The following SAMD14 variants were observed in gnomAD, a reference collection of about 807,000 sequenced individuals.
SAMD14 encodes sterile alpha motif domain-containing protein 14.
Under a neutral mutation model 46.2 loss-of-function variants are expected in SAMD14, and 27 were observed. That is an observed-to-expected ratio of 0.58 (90% CI 0.43 to 0.81). SAMD14 has a LOEUF of 0.81. Among genes scored for constraint, SAMD14 ranks in the 30% least tolerant of loss-of-function variants. The pLI is 0.00. For missense variants in SAMD14, 559 were observed against 582.2 expected, an observed-to-expected ratio of 0.96 and a Z score of 0.41; for synonymous variants, 241 against 254.3, an observed-to-expected ratio of 0.95 and a Z score of 0.50.
intron 1 of SAMD14, among the ~76,000 whole-genome samples, chr17:50,127,134 A>G (rs1248203132): frequency 6.6e-6 from 1 of 151,706 alleles, no homozygotes; most frequent in East Asian, 1.9e-4. Context: ...AAGTAAATAA[A>G]TAAATAAAAG....
chr17:50,122,445 C>T (rs1363733029), intron 2 of SAMD14, among the ~76,000 whole-genome samples: 1 of 152,218 alleles, frequency 6.6e-6, no homozygotes, highest in Non-Finnish European at 1.5e-5. Flanking sequence ...CCCATGCCCA[C>T]ATCCCATCAC....
At position 50,110,573 on chromosome 17, in the gene SAMD14, G is replaced by A. The variant is rs1910775998; in HGVS notation, c.*2320C>T. 6.5e-6 allele frequency: 1 copy of A among 152,700 alleles called. No individual in the cohort carries two copies. Among genetic ancestry groups the A allele is most frequent in the African/African-American group, 2.4e-5 (1 of 41,444 alleles). 9.5% of individuals were successfully genotyped at this position (152,700 alleles called of 1,614,324 possible). On this transcript the variant is annotated 3_prime_UTR_variant, in exon 10 of 10. Coordinates refer to ENST00000330175, the MANE Select transcript of SAMD14 (RefSeq NM_001257359.2). ...TGCCCTCCAGACCTGGGGACTGAGTGGGGAAAGGAGTTACACCCGTGAGTG... is the reference window on the plus strand; with the variant it reads ...TGCCCTCCAGACCTGGGGACTGAGTAGGGAAAGGAGTTACACCCGTGAGTG...
chr17:50,112,817 CAGCCTCCCTGGTGAGGCCTGTGCCCGCGG>C lies in SAMD14; in HGVS notation c.*47_*75del. The C allele has an allele frequency of 1.3e-6, 2 of 1,505,926 alleles. No individual in the cohort carries two copies. Among genetic ancestry groups the C allele is most frequent in the Non-Finnish European group, 1.8e-6 (2 of 1,121,946 alleles). 93.3% of individuals were successfully genotyped at this position (1,505,926 alleles called of 1,614,324 possible). The stretch of plus-strand genomic sequence containing the variant: ...CTAGCCCAAGTGCAGCGCCCAGGTC[CAGCCTCCCTGGTGAGGCCTGTGCCCGCGG>C]AGCCAGTGGCTGCCCCTGCCGGGTG... On this transcript the variant is annotated 3_prime_UTR_variant, in exon 10 of 10. Transcript: ENST00000330175.
chr17:50,117,575 C>T lies in SAMD14; in HGVS notation c.331G>A (p.Glu111Lys), dbSNP rs541345234. ...DPPGLRRSLD[E>K]DEPPPSPLTR... ...AGCGGCGAGGGCGGCGGCTCGTCCT[C>T]GTCCAGGCTGCGCCGCAACCCCGGA... The change falls in exon 4 of 10, where the codon GAG (glutamate) becomes AAG (lysine). Residue 111 changes from glutamate (E) to lysine (K), a missense_variant. By Grantham distance (56) the Glu-to-Lys change is moderately conservative. Transcript: ENST00000330175. 6 of 1,552,612 alleles carry T rather than the reference C, an allele frequency of 3.9e-6. No individual in the cohort carries two copies. The South Asian group carries it at 5.9e-5, about 15-fold the overall frequency.
chr17:50,124,242 G>A (rs747333439), intron 2 of SAMD14: 1 of 453,326 alleles, frequency 2.2e-6, no homozygotes, highest in African/African-American at 2.0e-5. Flanking sequence ...AGATTGCAGG[G>A]GGTAAATGAT....
At chr17:50,124,815 G>C (rs1911693121) in intron 2 of SAMD14, 102 bp downstream of exon 2, 8 of 925,924 alleles carry the variant, frequency 8.6e-6, no homozygotes. Flanking sequence ...ACACTCTGAA[G>C]CTGCCAAGAA....
intron 4 of SAMD14, among the ~76,000 whole-genome samples, chr17:50,117,027 A>T (rs1220210886): frequency 6.7e-6 from 1 of 148,758 alleles, no homozygotes; most frequent in Non-Finnish European, 1.5e-5. Context: ...TAATTTTTTA[A>T]TTTTTTCTGG....
chr17:50,118,162 T>G lies in SAMD14; in HGVS notation c.209A>C (p.Lys70Thr). 1 of 1,588,404 alleles carries G rather than the reference T, an allele frequency of 6.3e-7. No homozygotes were observed. The highest frequency in any genetic ancestry group is 2.3e-5 in the East Asian group (1 of 44,300). Residue 70 changes from lysine (K) to threonine (T), a missense_variant and splice_region_variant, in exon 3 of 10, where the codon AAG (lysine) becomes ACG (threonine). Physicochemically the swap from Lys to Thr is moderately conservative, Grantham distance 78 (BLOSUM62 -1). Transcript: ENST00000330175. Reference protein sequence around the residue: ...DGEGSDGPGGKVTDGCGSPLH... With the variant: ...DGEGSDGPGGTVTDGCGSPLH... Reference sequence around the variant, plus strand: ...TGTGTTTTCCTAACTTGCCCCAACCTTGCCTCCGGGCCCATCCGAGCCTTC... The same window carrying G: ...TGTGTTTTCCTAACTTGCCCCAACCGTGCCTCCGGGCCCATCCGAGCCTTC...
At chr17:50,114,105 G>T in intron 8 of SAMD14, 26 bp from the exon 9 acceptor site, 1 of 1,613,766 alleles carries the variant, frequency 6.2e-7, no homozygotes, top group Non-Finnish European at 8.5e-7. Context: ...GGAGAGTGAG[G>T]GGGAGGCTTG....
At chr17:50,123,410 A>C (rs1911595069) in intron 2 of SAMD14, 1 of 152,284 alleles carries the variant, frequency 6.6e-6, no homozygotes. Context: ...CTCCCAGGCC[A>C]GGGATCTGGC....
Position 50,115,793 on chromosome 17 carries a change from C to A in SAMD14, c.662+37G>T, listed in dbSNP as rs760816810. The A allele has an allele frequency of 5.6e-6, 9 of 1,612,668 alleles. No individual in the cohort carries two copies. Among genetic ancestry groups the A allele is most frequent in the African/African-American group, 1.3e-5 (1 of 75,034 alleles). On this transcript the variant is annotated intron_variant, in intron 6 of 9. Transcript: ENST00000330175. The surrounding 1 kb of genome is among the most constrained non-coding windows in gnomAD (Gnocchi z 5.3). ...ACCAGAGCACATGGGGAGCCAGGGGCGGGAGCTGTGGGTGGGCCGCCATGG... is the reference window on the plus strand; with the variant it reads ...ACCAGAGCACATGGGGAGCCAGGGGAGGGAGCTGTGGGTGGGCCGCCATGG...
At position 50,110,319 on chromosome 17, in the gene SAMD14, T is replaced by G; in HGVS notation, c.*2574A>C. The G allele has an allele frequency of 2.3e-6, 1 of 439,678 alleles. No individual in the cohort carries two copies. The highest frequency in any genetic ancestry group is 3.5e-5 in the East Asian group (1 of 28,302). The allele number at this position is 439,678 out of a possible 1,614,324, so 27.2% of individuals were successfully genotyped here. ...GTGGCCTCCCTATCTCTGTGGGCGA[T>G]GCCTGAGGGTTAGGGATGTCTCCAC... On this transcript the variant is annotated 3_prime_UTR_variant, in exon 10 of 10. Transcript: ENST00000330175.
chr17:50,124,090 C>T, intron 2 of SAMD14: 1 of 456,184 alleles, frequency 2.2e-6, no homozygotes, highest in Middle Eastern at 3.3e-4. Flanking sequence ...TCACCCTCTC[C>T]CTCATTCCTC....
chr17:50,124,286 A>G, intron 2 of SAMD14: 1 of 416,852 alleles, frequency 2.4e-6, no homozygotes, highest in Non-Finnish European at 5.0e-6. Context: ...CCCAGTGTGT[A>G]CTGAGGACGT....
chr17:50,117,684 G>T lies in SAMD14; in HGVS notation c.222C>A (p.Gly74=), dbSNP rs1567720323. 6.8e-7 allele frequency: 1 copy of T among 1,463,152 alleles called. No individual in the cohort carries two copies. The highest frequency in any genetic ancestry group is 1.4e-5 in the South Asian group (1 of 72,212). 90.6% of individuals were successfully genotyped at this position (1,463,152 alleles called of 1,614,324 possible). Residue 74 remains glycine, a synonymous_variant, in exon 4 of 10, where the codon GGC becomes GGA. Coordinates refer to ENST00000330175, the MANE Select transcript of SAMD14 (RefSeq NM_001257359.2). The part of the protein sequence containing the change: ...SDGPGGKVTD[G]CGSPLHRLRS... The stretch of plus-strand genomic sequence containing the variant: ...GCAGCCGGTGCAGGGGGCTCCCGCA[G>T]CCATCGGTCACCTGGACGAGGGGGC...
chr17:50,122,203 C>T (rs1911534332), intron 2 of SAMD14, among the ~76,000 whole-genome samples: 1 of 152,194 alleles, frequency 6.6e-6, no homozygotes, highest in Non-Finnish European at 1.5e-5. Context: ...CATATGGTCA[C>T]GATACGGTCG....
chr17:50,128,886 G>A (rs2144424425), intron 1 of SAMD14, among the ~76,000 whole-genome samples: 1 of 152,306 alleles, frequency 6.6e-6, no homozygotes. Context: ...GACGCCCGAG[G>A]GTGGGAGAGA....
At chr17:50,124,771 G>GCGCGCACACACACA (rs71353620) in intron 2 of SAMD14, 146 bp downstream of exon 2, 530 of 569,474 alleles carry the variant, frequency 9.3e-4, no homozygotes, top group East Asian at 1.5e-3. Flanking sequence ...ACGCGCGCGC[G>GCGCGCACACACACA]CACACACACA....
rs779650861 is a variant in SAMD14, at chr17:50,118,247, G to A, written c.124C>T (p.Arg42Trp). The change falls in exon 3 of 10, where the codon CGG (arginine) becomes TGG (tryptophan). Residue 42 changes from arginine to tryptophan, a missense_variant. Physicochemically the swap from Arg to Trp is moderately radical, Grantham distance 101. Transcript: ENST00000330175. ...KARAQLLAKG[R>W]RHRPSRSRLR... ...CTGGAGCGGGATGGCCGGTGTCTCC[G>A]GCCCTTGGCCAACAGTTGGGCCCGG... 5 of 1,613,904 alleles carry A rather than the reference G, an allele frequency of 3.1e-6. No individual in the cohort carries two copies. The highest frequency in any genetic ancestry group is 2.2e-5 in the South Asian group (2 of 91,042).
Sources: gnomAD v4.1 joint callset for allele counts (sites outside exome capture counted in the v4.1 genomes callset) on GRCh38, gnomAD v4.1.1 for gene constraint, Gnocchi (gnomAD v3.1) non-coding constraint, MANE v1.5 for transcripts, NCBI Gene and HGNC (gene_info 2026-07-23, HGNC 2026-07-21) for gene names.